Variants in RIT2 observed in about 807,000 individuals in gnomAD.
The protein encoded by RIT2 is GTP-binding protein Rit2.
Under a neutral mutation model 23.7 loss-of-function variants are expected in RIT2, and 24 were observed. That is an observed-to-expected ratio of 1.01 (90% CI 0.73 to 1.43). RIT2 has a LOEUF of 1.43. RIT2 is among the 40% of genes most tolerant of loss of function. The pLI, the probability that RIT2 is intolerant of heterozygous loss-of-function variation, is 0.00. For missense variants in RIT2, 236 were observed against 266.9 expected (o/e 0.88, Z 0.81); for synonymous variants, 107 against 91.1 (o/e 1.17, Z -0.99).
At chr18:42,974,023 T>C (rs1198721665) in intron 3 of RIT2, 51 bp downstream of exon 3, 1 of 1,200,724 alleles carries the variant, frequency 8.3e-7, no homozygotes, top group Admixed American at 1.9e-5. Context: ...TATTTGAAGC[T>C]AAAGCATAAA....
At chr18:42,868,185 G>A (rs1288644123) in intron 4 of RIT2, among the ~76,000 whole-genome samples, 1 of 152,148 alleles carries the variant, frequency 6.6e-6, no homozygotes, top group Non-Finnish European at 1.5e-5. Flanking sequence ...TAACTGCTGG[G>A]AAAGTAAATC....
chr18:43,028,511 A>C (rs1343160396), intron 2 of RIT2, among the ~76,000 whole-genome samples: 1 of 152,070 alleles, frequency 6.6e-6, no homozygotes, highest in Non-Finnish European at 1.5e-5. Flanking sequence ...TATCGAATTT[A>C]ATTAGTTTCA....
chr18:42,822,433 T>C (rs1046589244), intron 4 of RIT2, among the ~76,000 whole-genome samples: 85 of 152,284 alleles, frequency 5.6e-4, no homozygotes, highest in African/African-American at 2.0e-3. Context: ...CGGTTGATCA[T>C]GGCAGTTTAA....
intron 3 of RIT2, among the ~76,000 whole-genome samples, chr18:42,958,759 A>G (rs1910032302): frequency 6.6e-6 from 1 of 152,078 alleles, no homozygotes; most frequent in South Asian, 2.1e-4. Context: ...CTGTCCATTC[A>G]CAGAGCCAGG....
chr18:42,824,973 T>C (rs778048561), intron 4 of RIT2, among the ~76,000 whole-genome samples: 27 of 151,930 alleles, frequency 1.8e-4, no homozygotes, highest in Non-Finnish European at 3.8e-4. Context: ...AAATATTAGA[T>C]TGGACCATTC....
chr18:42,774,381 G>T (rs1323869174), intron 4 of RIT2, among the ~76,000 whole-genome samples: 1 of 151,912 alleles, frequency 6.6e-6, no homozygotes, highest in Non-Finnish European at 1.5e-5. Flanking sequence ...AACCATGAGG[G>T]GTAAATCCGT....
intron 2 of RIT2, among the ~76,000 whole-genome samples, chr18:43,024,250 C>T (rs1046372261): frequency 6.6e-6 from 1 of 151,872 alleles, no homozygotes; most frequent in Non-Finnish European, 1.5e-5. Context: ...AGAAATAAAG[C>T]CACACACCTA....
At chr18:42,804,672 T>C (rs1905633473) in intron 4 of RIT2, among the ~76,000 whole-genome samples, 1 of 151,792 alleles carries the variant, frequency 6.6e-6, no homozygotes, top group Non-Finnish European at 1.5e-5. Context: ...GATTAACTCA[T>C]GGCCTTGGTC....
intron 2 of RIT2, among the ~76,000 whole-genome samples, chr18:42,976,311 G>T (rs1910476810): frequency 6.6e-6 from 1 of 152,022 alleles, no homozygotes; most frequent in Non-Finnish European, 1.5e-5. Flanking sequence ...AAAGAGTATG[G>T]AACAACAACA....
intron 4 of RIT2, among the ~76,000 whole-genome samples, chr18:42,757,011 A>G (rs1197175556): frequency 6.6e-6 from 1 of 152,168 alleles, no homozygotes; most frequent in African/African-American, 2.4e-5. Context: ...AAGACAAAGG[A>G]CATTATATTG....
chr18:42,942,889 A>G (rs1340416825), intron 3 of RIT2, among the ~76,000 whole-genome samples: 1 of 152,174 alleles, frequency 6.6e-6, no homozygotes, highest in Non-Finnish European at 1.5e-5. Flanking sequence ...CAAGCCTGCC[A>G]TGTTGGTGAT....
chr18:43,063,804 G>T lies in RIT2; in HGVS notation c.104-29937C>A, dbSNP rs138722931. Among the ~76,000 whole-genome samples the T allele has an allele frequency of 7.1e-3, 1,077 of 152,264 alleles. 12 individuals carry two copies. The highest frequency in any genetic ancestry group is 0.024 in the African/African-American group (1,014 of 41,568). On this transcript the variant is annotated intron_variant, in intron 1 of 4. Transcript: ENST00000326695. ...CTAAGCAGATAACCAGGCATGTTATGTCAGTAAGTCAAAAGTGGGCTGTGG... is the reference window on the plus strand; with the variant it reads ...CTAAGCAGATAACCAGGCATGTTATTTCAGTAAGTCAAAAGTGGGCTGTGG...
chr18:42,990,398 G>A (rs183205383), intron 2 of RIT2, among the ~76,000 whole-genome samples: 10 of 152,180 alleles, frequency 6.6e-5, no homozygotes, highest in Admixed American at 5.2e-4. Flanking sequence ...CCAGGATAAC[G>A]GCTGACCAAA....
intron 4 of RIT2, among the ~76,000 whole-genome samples, chr18:42,762,890 A>G (rs1283656890): frequency 1.3e-5 from 2 of 152,226 alleles, no homozygotes; most frequent in Non-Finnish European, 2.9e-5. Flanking sequence ...CATTAGCAAG[A>G]TGAGTTTCAT....
intron 1 of RIT2, among the ~76,000 whole-genome samples, chr18:43,110,958 C>T (rs1913938342): frequency 6.6e-6 from 1 of 152,082 alleles, no homozygotes; most frequent in Non-Finnish European, 1.5e-5. Context: ...TTTCACATAG[C>T]TACTTTTTAT....
intron 4 of RIT2, among the ~76,000 whole-genome samples, chr18:42,780,139 T>A (rs147954161): frequency 7.5e-6 from 1 of 133,218 alleles, no homozygotes; most frequent in Non-Finnish European, 1.5e-5. Context: ...GTACCCATGG[T>A]GTTGGGTTAC....
chr18:43,108,766 G>A (rs1035839831), intron 1 of RIT2, among the ~76,000 whole-genome samples: 45 of 152,244 alleles, frequency 3.0e-4, no homozygotes, highest in Admixed American at 2.9e-3. Context: ...AGACCTCTTG[G>A]CTAATGCTTC....
chr18:42,824,662 G>T (rs1906245143), intron 4 of RIT2, among the ~76,000 whole-genome samples: 1 of 151,826 alleles, frequency 6.6e-6, no homozygotes, highest in African/African-American at 2.4e-5. Flanking sequence ...TCCATTTGAA[G>T]CAGTGGGATT....
chr18:43,010,410 A>C (rs1911324459), intron 2 of RIT2, among the ~76,000 whole-genome samples: 1 of 151,854 alleles, frequency 6.6e-6, no homozygotes, highest in Non-Finnish European at 1.5e-5. Context: ...TATTATTTGA[A>C]TATCCAGGCA....
Sources: allele counts gnomAD v4.1 joint callset (sites outside exome capture counted in the v4.1 genomes callset), GRCh38; gene constraint gnomAD v4.1.1; transcripts MANE v1.5; gene names NCBI Gene and HGNC (gene_info 2026-07-23, HGNC 2026-07-21).